MAPRE2: variants seen among roughly 807,000 people sequenced by gnomAD.
MAPRE2 encodes microtubule associated protein RP/EB family member 2.
Under a neutral mutation model 43.2 loss-of-function variants are expected in MAPRE2, and 13 were observed. The ratio of observed to expected loss-of-function variants is 0.30; its 90% CI spans 0.20 to 0.48. The LOEUF is 0.48. Ranked by LOEUF, MAPRE2 falls within the 20% of genes least tolerant of loss-of-function variation. MAPRE2 has a pLI of 0.99. For missense variants in MAPRE2, 161 were observed against 400.2 expected (o/e 0.40, Z 5.10); for synonymous variants, 135 against 148.8 (o/e 0.91, Z 0.68).
intron 1 of MAPRE2, among the ~76,000 whole-genome samples, chr18:34,987,301 T>G (rs1036280393): frequency 3.9e-5 from 6 of 152,182 alleles, no homozygotes; most frequent in African/African-American, 1.2e-4. Context: ...CAATGATGCC[T>G]TGCTACCTAG....
chr18:34,993,588 T>C (rs2097024900), intron 1 of MAPRE2, among the ~76,000 whole-genome samples: 1 of 152,118 alleles, frequency 6.6e-6, no homozygotes, highest in Non-Finnish European at 1.5e-5. Flanking sequence ...ACATCAACAG[T>C]TGTGAACAGA....
intron 2 of MAPRE2, among the ~76,000 whole-genome samples, chr18:35,022,026 C>A (rs1025803961): frequency 1.3e-5 from 2 of 152,072 alleles, no homozygotes; most frequent in Non-Finnish European, 2.9e-5. Context: ...GCCTCAGAAG[C>A]AGTGGAACCA....
chr18:35,093,211 CAAAAAAAAA>C (rs56833433), intron 2 of MAPRE2, among the ~76,000 whole-genome samples: 12 of 52,262 alleles, frequency 2.3e-4, no homozygotes, highest in East Asian at 1.8e-3. Context: ...GACCCTGTCT[CAAAAAAAAA>C]AAAAAAAAAA....
intron 1 of MAPRE2, among the ~76,000 whole-genome samples, chr18:35,000,791 G>T (rs577844205): frequency 2.0e-5 from 3 of 152,200 alleles, no homozygotes; most frequent in Non-Finnish European, 4.4e-5. Flanking sequence ...AAGAATAAAA[G>T]TCAGTATGAT....
upstream of MAPRE2, among the ~76,000 whole-genome samples, chr18:35,040,959 C>A (rs1383110325): frequency 6.6e-6 from 1 of 152,178 alleles, no homozygotes; most frequent in South Asian, 2.1e-4. Flanking sequence ...TAGTCTGATA[C>A]CTTTTCTACA....
intron 2 of MAPRE2, among the ~76,000 whole-genome samples, chr18:35,024,821 G>A (rs536147410): frequency 4.2e-4 from 64 of 152,234 alleles, no homozygotes; most frequent in South Asian, 2.5e-3. Flanking sequence ...AACCTCTGAG[G>A]GGACTGATTC....
upstream of MAPRE2, among the ~76,000 whole-genome samples, chr18:35,038,655 C>T (rs1314021384): frequency 6.6e-6 from 1 of 152,156 alleles, no homozygotes; most frequent in Non-Finnish European, 1.5e-5. Context: ...ATTTTCTGTA[C>T]TTTTCCTACA....
At chr18:34,987,456 G>A (rs1449733929) in intron 1 of MAPRE2, among the ~76,000 whole-genome samples, 2 of 152,104 alleles carry the variant, frequency 1.3e-5, no homozygotes, top group African/African-American at 4.8e-5. Context: ...CTGAACTAGA[G>A]GATTCACTTT....
chr18:35,098,111 A>C (rs953273194), intron 3 of MAPRE2, among the ~76,000 whole-genome samples: 3 of 152,180 alleles, frequency 2.0e-5, no homozygotes, highest in Non-Finnish European at 4.4e-5. Flanking sequence ...CAATGTCCAT[A>C]ATTTGCCCTT....
intron 2 of MAPRE2, among the ~76,000 whole-genome samples, chr18:35,019,965 A>G (rs1368550657): frequency 6.6e-6 from 1 of 152,098 alleles, no homozygotes; most frequent in Non-Finnish European, 1.5e-5. Flanking sequence ...TTATCTCCCC[A>G]GACATTAGAT....
intron 1 of MAPRE2, among the ~76,000 whole-genome samples, chr18:34,985,396 T>TATA (rs2097019769): frequency 9.3e-5 from 4 of 42,820 alleles, no homozygotes; most frequent in African/African-American, 3.7e-4. Flanking sequence ...ATATATATAA[T>TATA]ATATAATATA....
At chr18:34,994,895 A>G (rs12962878) in intron 1 of MAPRE2, among the ~76,000 whole-genome samples, 1 of 152,166 alleles carries the variant, frequency 6.6e-6, no homozygotes, top group Admixed American at 6.5e-5. Context: ...CCCAAGTCCC[A>G]ATGCTCTTTA....
intron 2 of MAPRE2, among the ~76,000 whole-genome samples, chr18:35,031,521 G>A (rs1193552486): frequency 6.6e-6 from 1 of 152,170 alleles, no homozygotes; most frequent in Non-Finnish European, 1.5e-5. Context: ...AGATTTGATT[G>A]AATGATTACA....
chr18:35,133,631 G>C (rs886718549), intron 6 of MAPRE2, among the ~76,000 whole-genome samples: 1 of 152,202 alleles, frequency 6.6e-6, no homozygotes, highest in Non-Finnish European at 1.5e-5. Flanking sequence ...CCGGCGTGCA[G>C]GATCAAATCT....
At chr18:35,025,903 G>A (rs141951533) in intron 2 of MAPRE2, among the ~76,000 whole-genome samples, 13 of 152,276 alleles carry the variant, frequency 8.5e-5, no homozygotes, top group African/African-American at 2.9e-4. Flanking sequence ...AGGTTAGGCC[G>A]AAACCAAATT....
chr18:35,101,387 C>T (rs1440916725), intron 3 of MAPRE2, among the ~76,000 whole-genome samples: 2 of 152,116 alleles, frequency 1.3e-5, no homozygotes, highest in African/African-American at 4.8e-5. Flanking sequence ...AAGCATTTAC[C>T]CTTTGAGTTA....
At chr18:35,134,994 T>G (rs992940513) in intron 6 of MAPRE2, among the ~76,000 whole-genome samples, 5 of 152,142 alleles carry the variant, frequency 3.3e-5, no homozygotes, top group African/African-American at 1.2e-4. Context: ...AAGAAGAGAA[T>G]TACTCAGAGT....
At chr18:34,990,745 G>A (rs1215141228) in intron 1 of MAPRE2, among the ~76,000 whole-genome samples, 1 of 152,108 alleles carries the variant, frequency 6.6e-6, no homozygotes, top group African/African-American at 2.4e-5. Flanking sequence ...ATCAGGCTGG[G>A]CATGGTGACT....
At chr18:35,138,629 C>T (rs1466939639) in intron 6 of MAPRE2, among the ~76,000 whole-genome samples, 1 of 152,202 alleles carries the variant, frequency 6.6e-6, no homozygotes, top group Non-Finnish European at 1.5e-5. Context: ...CTTCTAGGCA[C>T]TTTTCCTATT....
Sources: allele counts gnomAD v4.1 joint callset (sites outside exome capture counted in the v4.1 genomes callset), GRCh38; gene constraint gnomAD v4.1.1; transcripts MANE v1.5; gene names NCBI Gene and HGNC (gene_info 2026-07-23, HGNC 2026-07-21).